Variants in P4HA2 observed in about 807,000 individuals in gnomAD.
The protein encoded by P4HA2 is prolyl 4-hydroxylase subunit alpha-2.
Under a neutral mutation model 76.9 loss-of-function variants are expected in P4HA2, and 46 were observed. That is an observed-to-expected ratio of 0.60 (90% CI 0.47 to 0.76). The LOEUF is 0.76. P4HA2 is among the 30% of genes least tolerant of loss of function. P4HA2 has a pLI of 0.00. For missense variants in P4HA2, 583 were observed against 669.4 expected (o/e 0.87, Z 1.42); for synonymous variants, 243 against 254.0 (o/e 0.96, Z 0.41).
chr5:132,219,745 TTCTAAG>T (rs1345492718), intron 1 of P4HA2, among the ~76,000 whole-genome samples: 3 of 152,166 alleles, frequency 2.0e-5, no homozygotes, highest in South Asian at 2.1e-4. Flanking sequence ...TCTGACAGAA[TTCTAAG>T]TCTAAGATAA....
In P4HA2 at chr5:132,198,769, GA is replaced by G. The variant is rs368208350; in HGVS notation, c.1305+109del. 1.1e-4 allele frequency: 86 copies of G among 773,810 alleles called. No individual in the cohort carries two copies. The African/African-American group carries it at 1.4e-3, about 13-fold the overall frequency. The allele number at this position is 773,810 out of a possible 1,614,324, so 47.9% of individuals were successfully genotyped here. A position where few individuals can be genotyped will look rare whatever the true frequency, so the allele number is the denominator to read the frequency against. On this transcript the variant is annotated intron_variant, in intron 11 of 14. Transcript: ENST00000360568. ...CCTGGTGATGCAGAGGTGGAGGGAG[GA>G]CAAGGGGTGGGGGTACTGATGTGGA...
chr5:132,209,775 A>C (rs1481938781), intron 6 of P4HA2, among the ~76,000 whole-genome samples: 4 of 151,712 alleles, frequency 2.6e-5, no homozygotes, highest in African/African-American at 9.7e-5. Context: ...TGTCTCAAAA[A>C]AAAAAAAAAA....
chr5:132,215,429 G>C (rs771676393), intron 4 of P4HA2, among the ~76,000 whole-genome samples: 61 of 152,364 alleles, frequency 4.0e-4, no homozygotes, highest in Non-Finnish European at 5.6e-4. Context: ...GTCTCCTGCC[G>C]TGCAGGCAGA....
intron 1 of P4HA2, among the ~76,000 whole-genome samples, chr5:132,220,166 A>G (rs1237484749): frequency 6.6e-6 from 1 of 152,278 alleles, no homozygotes; most frequent in Non-Finnish European, 1.5e-5. Context: ...GCCCTGAGGC[A>G]GAGTCCAGGC....
chr5:132,195,874 C>A, intron 12 of P4HA2: 1 of 234,082 alleles, frequency 4.3e-6, no homozygotes. Flanking sequence ...TGTACTGTTT[C>A]CAACACCATG....
chr5:132,205,539 T>C (rs1752097125), intron 8 of P4HA2, among the ~76,000 whole-genome samples: 1 of 151,098 alleles, frequency 6.6e-6, no homozygotes, highest in African/African-American at 2.4e-5. Flanking sequence ...GGGGCCAGAG[T>C]GGGGACTGGG....
In P4HA2 at chr5:132,192,790, A is replaced by T; in HGVS notation, c.*220T>A. 3 of 530,314 alleles carry T rather than the reference A, an allele frequency of 5.7e-6. No homozygotes were observed. Among genetic ancestry groups the T allele is most frequent in the Non-Finnish European group, 1.0e-5 (3 of 296,828 alleles). 32.9% of individuals were successfully genotyped at this position (530,314 alleles called of 1,614,324 possible). A position where few individuals can be genotyped will look rare whatever the true frequency, so the allele number is the denominator to read the frequency against. On this transcript the variant is annotated 3_prime_UTR_variant, in exon 15 of 15. Coordinates refer to ENST00000360568, the MANE Select transcript of P4HA2 (RefSeq NM_001017974.2). ...CTAGACAGCTAACTCTGCTGCAGCC[A>T]CTTTGATCCTAGCCTTGGGGCCAGG...
chr5:132,215,791 G>A (rs922395166), intron 4 of P4HA2, among the ~76,000 whole-genome samples: 1 of 138,080 alleles, frequency 7.2e-6, no homozygotes, highest in African/African-American at 2.7e-5. Flanking sequence ...TGCTACAATC[G>A]CACCTGTGAA....
At chr5:132,222,842 A>G (rs1033344658) in intron 1 of P4HA2, among the ~76,000 whole-genome samples, 4 of 152,248 alleles carry the variant, frequency 2.6e-5, no homozygotes, top group Non-Finnish European at 5.9e-5. Context: ...TTCAGTAACT[A>G]GACAATGAAG....
At chr5:132,207,973 A>G in intron 7 of P4HA2, 89 bp from the exon 8 acceptor site, 1 of 1,023,114 alleles carries the variant, frequency 9.8e-7, no homozygotes. Flanking sequence ...GACTCACCTC[A>G]TGGCCAGCAG....
intron 13 of P4HA2, 190 bp downstream of exon 13, chr5:132,195,222 C>T: frequency 3.1e-6 from 2 of 638,722 alleles, no homozygotes; most frequent in Non-Finnish European, 5.6e-6. Context: ...GGGAACTCAC[C>T]CGCCCCTGAA....
chr5:132,216,039 C>CCTATAGT (rs1753827667), intron 4 of P4HA2, among the ~76,000 whole-genome samples: 1 of 151,220 alleles, frequency 6.6e-6, no homozygotes, highest in Non-Finnish European at 1.5e-5. Context: ...GTGGCATGTG[C>CCTATAGT]CTATAGTCCC....
At chr5:132,216,925 G>C (rs1359889904) in intron 4 of P4HA2, among the ~76,000 whole-genome samples, 1 of 151,814 alleles carries the variant, frequency 6.6e-6, no homozygotes, top group African/African-American at 2.4e-5. Flanking sequence ...AAGTATAATT[G>C]GAAAAATGTC....
Position 132,203,792 on chromosome 5 carries a change from G to C in P4HA2, c.1207C>G (p.Gln403Glu). Residue 403 changes from glutamine to glutamate, a missense_variant, in exon 10 of 15, where the codon CAG becomes GAG. Gln to Glu is a conservative substitution (Grantham distance 29, BLOSUM62 2). Transcript: ENST00000360568. ...PVVARVNRRM[Q>E]HITGLTVKTA... ...TTTACTGTTAACCCTGTGATATGCT[G>C]CATCCGACGATTTACTCGGGCCACA... 6.2e-7 allele frequency: 1 copy of C among 1,613,404 alleles called. No individual in the cohort carries two copies.
chr5:132,198,913 C>T lies in P4HA2; in HGVS notation c.1271G>A (p.Gly424Glu). ...GTCGAAGTGCGGTTCATACTGTCCT[C>T]CCACTCCATAATTTGCAACCTGTGG... ...ELLQVANYGV[G>E]GQYEPHFDFS... The change falls in exon 11 of 15, where the codon GGA becomes GAA. Residue 424 changes from glycine (G) to glutamate (E), a missense_variant. Coordinates refer to ENST00000360568, the MANE Select transcript of P4HA2 (RefSeq NM_001017974.2). 1 of 1,612,706 alleles carries T rather than the reference C, an allele frequency of 6.2e-7. No individual in the cohort carries two copies.
chr5:132,222,898 T>C (rs1754833023), intron 1 of P4HA2, among the ~76,000 whole-genome samples: 2 of 152,028 alleles, frequency 1.3e-5, no homozygotes, highest in African/African-American at 4.8e-5. Context: ...CCAAGTTGGG[T>C]TTTCAGTCAT....
At position 132,217,825 on chromosome 5, in the gene P4HA2, C is replaced by T; in HGVS notation, c.106G>A (p.Ala36Thr). The T allele has an allele frequency of 6.2e-7, 1 of 1,611,998 alleles. No individual in the cohort carries two copies. The change falls in exon 3 of 15, where the codon GCA becomes ACA. Residue 36 changes from alanine (A) to threonine (T), a missense_variant. By Grantham distance (58) the Ala-to-Thr change is moderately conservative (BLOSUM62 0). Coordinates refer to ENST00000360568, the MANE Select transcript of P4HA2 (RefSeq NM_001017974.2). The part of the protein sequence containing the change: ...SIGHMTDLIY[A>T]EKELVQSLKE... ...AGAGACTGCACCAGCTCTTTCTCTGCATAAATCAGGTCAGTCATGTGCCCT... is the reference window on the plus strand; with the variant it reads ...AGAGACTGCACCAGCTCTTTCTCTGTATAAATCAGGTCAGTCATGTGCCCT...
intron 2 of P4HA2, 68 bp from the exon 3 acceptor site, chr5:132,217,916 C>T: frequency 1.1e-6 from 1 of 890,010 alleles, no homozygotes; most frequent in Non-Finnish European, 1.8e-6. Flanking sequence ...TTCCTTGGGG[C>T]ACAGAATACC....
At chr5:132,218,421 C>A in intron 2 of P4HA2, 124 bp downstream of exon 2, 1 of 639,514 alleles carries the variant, frequency 1.6e-6, no homozygotes, top group Non-Finnish European at 2.8e-6. Flanking sequence ...TTCCACTCTC[C>A]TCAGAACTGG....
Sources: allele counts gnomAD v4.1 joint callset (sites outside exome capture counted in the v4.1 genomes callset), GRCh38; gene constraint gnomAD v4.1.1; transcripts MANE v1.5; gene names NCBI Gene and HGNC (gene_info 2026-07-23, HGNC 2026-07-21).